The following RALGPS1 variants were observed in gnomAD, a reference collection of about 807,000 sequenced individuals.
The protein encoded by RALGPS1 is Ral GEF with PH domain and SH3 binding motif 1, also known as ras-specific guanine nucleotide-releasing factor RalGPS1.
In RALGPS1, 19 loss-of-function variants were observed where a neutral mutation model predicts 78.8. The ratio of observed to expected loss-of-function variants is 0.24; its 90% CI spans 0.17 to 0.35. RALGPS1 has a LOEUF of 0.35. RALGPS1 is among the 10% of genes least tolerant of loss of function. The pLI, the probability that RALGPS1 is intolerant of heterozygous loss-of-function variation, is 1.00. For missense variants in RALGPS1, 454 were observed against 688.3 expected (o/e 0.66, Z 3.81); for synonymous variants, 228 against 256.3 (o/e 0.89, Z 1.06).
At chr9:127,056,675 T>C (rs975616469) in intron 7 of RALGPS1, among the ~76,000 whole-genome samples, 3 of 152,214 alleles carry the variant, frequency 2.0e-5, no homozygotes, top group Admixed American at 6.5e-5. Flanking sequence ...GGGTGGAGCA[T>C]GCACCGACTC....
chr9:127,172,833 T>A (rs562091737), intron 10 of RALGPS1, among the ~76,000 whole-genome samples: 1 of 152,172 alleles, frequency 6.6e-6, no homozygotes, highest in Non-Finnish European at 1.5e-5. Flanking sequence ...CGTCTGCTCC[T>A]GGGGCTGCCT....
At chr9:126,928,528 A>C (rs1180632471) in intron 1 of RALGPS1, among the ~76,000 whole-genome samples, 2 of 152,188 alleles carry the variant, frequency 1.3e-5, no homozygotes, top group Non-Finnish European at 2.9e-5. Context: ...GAAATGTTTC[A>C]GAATAAGAGG....
At chr9:127,006,944 GGAGA>G (rs1052254689) in intron 4 of RALGPS1, among the ~76,000 whole-genome samples, 1 of 151,874 alleles carries the variant, frequency 6.6e-6, no homozygotes, top group African/African-American at 2.4e-5. Flanking sequence ...GAGGGAGAGA[GGAGA>G]GAGAGAAAGA....
chr9:127,208,303 C>A (rs1356726244), intron 14 of RALGPS1, among the ~76,000 whole-genome samples: 1 of 152,182 alleles, frequency 6.6e-6, no homozygotes, highest in Non-Finnish European at 1.5e-5. Context: ...TGGGGACCCA[C>A]AAGTAGAGGT....
chr9:127,156,949 A>C (rs994518748), intron 8 of RALGPS1, among the ~76,000 whole-genome samples: 2 of 152,096 alleles, frequency 1.3e-5, no homozygotes, highest in Non-Finnish European at 2.9e-5. Context: ...ATCAATAATC[A>C]TTTGTCTCAA....
chr9:127,051,010 C>T (rs1168721107), intron 6 of RALGPS1, among the ~76,000 whole-genome samples: 1 of 152,192 alleles, frequency 6.6e-6, no homozygotes, highest in African/African-American at 2.4e-5. Context: ...TGTCCATGCT[C>T]AGGGCCCCAT....
At chr9:127,011,093 A>G (rs941707444) in intron 4 of RALGPS1, among the ~76,000 whole-genome samples, 3 of 151,912 alleles carry the variant, frequency 2.0e-5, no homozygotes, top group South Asian at 2.1e-4. Context: ...GCCAGGGGCT[A>G]TATCTTGGCT....
At chr9:127,080,341 T>C (rs1398526127) in intron 8 of RALGPS1, among the ~76,000 whole-genome samples, 1 of 152,176 alleles carries the variant, frequency 6.6e-6, no homozygotes, top group Admixed American at 6.5e-5. Flanking sequence ...ACATTGCTTG[T>C]TGTAAAAATT....
chr9:127,042,971 C>T (rs1486644904), intron 5 of RALGPS1, among the ~76,000 whole-genome samples: 1 of 152,094 alleles, frequency 6.6e-6, no homozygotes, highest in Non-Finnish European at 1.5e-5. Context: ...AAAATATGTA[C>T]AGGTTCTGTT....
intron 8 of RALGPS1, among the ~76,000 whole-genome samples, chr9:127,100,703 C>A (rs967974548): frequency 2.0e-5 from 3 of 152,134 alleles, no homozygotes; most frequent in African/African-American, 4.8e-5. Context: ...GTGGTGCTGT[C>A]CTGCAGGCAC....
At chr9:127,155,544 G>C (rs1190676328) in intron 8 of RALGPS1, among the ~76,000 whole-genome samples, 1 of 152,164 alleles carries the variant, frequency 6.6e-6, no homozygotes, top group Non-Finnish European at 1.5e-5. Context: ...AGGTAGTGTG[G>C]GGCAGAGCCC....
At chr9:127,121,998 A>G (rs1198616628) in intron 8 of RALGPS1, among the ~76,000 whole-genome samples, 1 of 151,538 alleles carries the variant, frequency 6.6e-6, no homozygotes, top group African/African-American at 2.4e-5. Flanking sequence ...ACACACGCAC[A>G]CTCCCAGCTG....
intron 1 of RALGPS1, among the ~76,000 whole-genome samples, chr9:126,942,910 A>G (rs908727925): frequency 1.3e-5 from 2 of 151,646 alleles, no homozygotes; most frequent in Non-Finnish European, 2.9e-5. Flanking sequence ...CATTTCTTTT[A>G]AAGTTTATTT....
intron 5 of RALGPS1, 33 bp from the exon 6 acceptor site, chr9:127,050,010 T>C: frequency 6.7e-7 from 1 of 1,487,142 alleles, no homozygotes; most frequent in Non-Finnish European, 9.4e-7. Context: ...TTCTGGTGTG[T>C]ATGTGTGTAT....
At chr9:127,088,927 G>A (rs377418491) in intron 8 of RALGPS1, 13 of 1,614,202 alleles carry the variant, frequency 8.1e-6, no homozygotes, top group Non-Finnish European at 1.1e-5. Flanking sequence ...GAGGTCAGGA[G>A]GGGGAGCTGG....
chr9:126,959,795 A>G (rs1247896738), intron 1 of RALGPS1, among the ~76,000 whole-genome samples: 1 of 152,170 alleles, frequency 6.6e-6, no homozygotes, highest in Non-Finnish European at 1.5e-5. Context: ...CTATATGTTG[A>G]CACACACCTC....
intron 1 of RALGPS1, among the ~76,000 whole-genome samples, chr9:126,956,345 G>A (rs942182460): frequency 6.6e-6 from 1 of 152,116 alleles, no homozygotes; most frequent in African/African-American, 2.4e-5. Context: ...TGGATGGGTG[G>A]GGGTTTCTCT....
chr9:127,196,386 C>T (rs1364637398), intron 12 of RALGPS1, 88 bp from the exon 13 acceptor site: 3 of 1,466,638 alleles, frequency 2.0e-6, no homozygotes, highest in South Asian at 2.7e-5. Context: ...CCTGCAGCTG[C>T]ACCATCTGCT....
chr9:126,977,411 C>T (rs2040770040), intron 3 of RALGPS1, among the ~76,000 whole-genome samples: 1 of 152,082 alleles, frequency 6.6e-6, no homozygotes, highest in Admixed American at 6.6e-5. Flanking sequence ...TAAAACTGTT[C>T]CCTTTTCTCC....
Sources: gnomAD v4.1 joint callset for allele counts (sites outside exome capture counted in the v4.1 genomes callset) on GRCh38, gnomAD v4.1.1 for gene constraint, MANE v1.5 for transcripts, NCBI Gene and HGNC (gene_info 2026-07-23, HGNC 2026-07-21) for gene names.